CD96: variants seen among roughly 807,000 people sequenced by gnomAD.
CD96 encodes the protein CD96 molecule.
CD96 carries 70 observed loss-of-function variants against 71.3 expected under a neutral mutation model. The ratio of observed to expected loss-of-function variants is 0.98; its 90% CI spans 0.81 to 1.20. The LOEUF (loss-of-function observed/expected upper bound fraction) is 1.20. CD96 is among the 50% of genes most tolerant of loss of function. The probability of loss-of-function intolerance (pLI) is 0.00; values close to 1 mark genes in which losing one functional copy is unlikely to be tolerated. For synonymous variants in CD96, 248 were observed against 233.0 expected (o/e 1.06, Z -0.59); for missense variants, 742 against 677.5 (o/e 1.10, Z -1.06).
intron 2 of CD96, among the ~76,000 whole-genome samples, chr3:111,562,966 G>C (rs1359112065): frequency 6.6e-6 from 1 of 152,190 alleles, no homozygotes; most frequent in South Asian, 2.1e-4. Context: ...TCTTCTCACA[G>C]TTCTGGAGGT....
chr3:111,576,996 T>G (rs1279059158), intron 3 of CD96, among the ~76,000 whole-genome samples: 1 of 152,090 alleles, frequency 6.6e-6, no homozygotes, highest in Non-Finnish European at 1.5e-5. Context: ...TGCAACTGAA[T>G]CCCATCTTTC....
intron 8 of CD96, among the ~76,000 whole-genome samples, chr3:111,617,719 C>T (rs928017829): frequency 3.9e-5 from 6 of 152,168 alleles, no homozygotes; most frequent in Non-Finnish European, 2.9e-5. Flanking sequence ...CAGCATACCT[C>T]GTTCTTCTTG....
chr3:111,629,052 CA>C (rs1439679804), intron 10 of CD96, among the ~76,000 whole-genome samples: 1 of 151,958 alleles, frequency 6.6e-6, no homozygotes, highest in Non-Finnish European at 1.5e-5. Context: ...CCTGCCACTA[CA>C]AAAAAACGCT....
intron 10 of CD96, among the ~76,000 whole-genome samples, chr3:111,626,899 A>C (rs1018521574): frequency 2.0e-5 from 3 of 152,222 alleles, no homozygotes; most frequent in Admixed American, 6.5e-5. Context: ...CCTTAGACGT[A>C]ATATGTGATA....
At chr3:111,583,763 A>G (rs552912684) in intron 4 of CD96, among the ~76,000 whole-genome samples, 1 of 152,334 alleles carries the variant, frequency 6.6e-6, no homozygotes, top group South Asian at 2.1e-4. Context: ...CAGGGCACCA[A>G]GTCCCGAGGC....
exon 15 of CD96, chr3:111,665,555 A>G (rs149905286): frequency 1.1e-4 from 17 of 152,264 alleles, no homozygotes; most frequent in African/African-American, 4.1e-4. Context: ...CAAAACTTCA[A>G]TCAATTTTCC....
intron 1 of CD96, 94 bp downstream of exon 1, chr3:111,542,403 A>AATTGATCACCACTGCTGAC: frequency 1.0e-6 from 1 of 955,958 alleles, no homozygotes; most frequent in South Asian, 1.3e-5. Context: ...CTGCTGCTGA[A>AATTGATCACCACTGCTGAC]ATTGATCACC....
intron 11 of CD96, among the ~76,000 whole-genome samples, chr3:111,637,863 A>G (rs1939408995): frequency 6.6e-6 from 1 of 151,044 alleles, no homozygotes; most frequent in Non-Finnish European, 1.5e-5. Flanking sequence ...TTTTTCAACC[A>G]CTAGGAAATT....
chr3:111,570,187 G>A (rs1411253379), intron 3 of CD96, among the ~76,000 whole-genome samples: 1 of 152,174 alleles, frequency 6.6e-6, no homozygotes. Context: ...GGGGTAAGTG[G>A]GACCCTGCTG....
intron 2 of CD96, among the ~76,000 whole-genome samples, chr3:111,565,281 G>A (rs556604949): frequency 2.0e-5 from 3 of 152,256 alleles, no homozygotes; most frequent in South Asian, 4.1e-4. Flanking sequence ...TAAGAGGGAT[G>A]TGTTGTTATT....
At chr3:111,555,142 G>A (rs1206544802) in intron 2 of CD96, among the ~76,000 whole-genome samples, 5 of 143,218 alleles carry the variant, frequency 3.5e-5, no homozygotes, top group African/African-American at 1.3e-4. Flanking sequence ...AACAGGCCAC[G>A]GACAAGTACC....
At position 111,579,035 on chromosome 3, in the gene CD96, T is replaced by C. The variant is rs773876557; in HGVS notation, c.552T>C (p.Asn184=). ...EFTYAWSVED[N]GTQETLISQN... The stretch of plus-strand genomic sequence containing the variant: ...ACAATTTTTCTCACCAGGAGGATAA[T>C]GGAACTCAGGAAACACTTATCTCCC... Residue 184 remains asparagine, a synonymous_variant, in exon 4 of 14, where the codon AAT becomes AAC. Transcript: ENST00000352690. The C allele has an allele frequency of 6.3e-6, 10 of 1,588,906 alleles. No homozygotes were observed. Among genetic ancestry groups the C allele is most frequent in the Admixed American group, 3.3e-5 (2 of 59,970 alleles).
intron 14 of CD96, among the ~76,000 whole-genome samples, chr3:111,663,000 T>C (rs1940393048): frequency 6.6e-6 from 1 of 152,178 alleles, no homozygotes; most frequent in Non-Finnish European, 1.5e-5. Flanking sequence ...CTGAGTAATT[T>C]ATGGAGAAAA....
At position 111,610,634 on chromosome 3, in the gene CD96, A is replaced by G. The variant is rs377231961; in HGVS notation, c.1180+3842A>G. Among the ~76,000 whole-genome samples, 44 of 152,296 alleles carry G rather than the reference A, an allele frequency of 2.9e-4. 1 individual carries two copies. In the East Asian group the frequency reaches 3.1e-3, roughly 11 times the overall value. On this transcript the variant is annotated intron_variant, in intron 8 of 13. Transcript: ENST00000352690. ...ATCCAGGGAAGCCCAGCTCAATTCA[A>G]CCTGAACCAATTCGTGTTTGCTGAG... is the stretch of plus-strand genomic sequence containing the variant.
chr3:111,543,619 A>C (rs1472403499), intron 1 of CD96, among the ~76,000 whole-genome samples: 1 of 152,256 alleles, frequency 6.6e-6, no homozygotes, highest in East Asian at 1.9e-4. Flanking sequence ...GGTAATAGTT[A>C]ACATTAAGTA....
chr3:111,660,452 G>A (rs1002343541), intron 14 of CD96, among the ~76,000 whole-genome samples: 1 of 152,120 alleles, frequency 6.6e-6, no homozygotes, highest in Non-Finnish European at 1.5e-5. Context: ...AGAGAAATTT[G>A]CATATTCAAT....
At chr3:111,542,769 C>T (rs1365683388) in intron 1 of CD96, among the ~76,000 whole-genome samples, 2 of 152,144 alleles carry the variant, frequency 1.3e-5, no homozygotes, top group Non-Finnish European at 2.9e-5. Context: ...ATACTAAGGT[C>T]TTTGGGAGTT....
In CD96 at chr3:111,650,064, C is replaced by T. The variant is rs1940009887; in HGVS notation, c.*258C>T. ...GGTTTTCTTGCTTATGTAAGAAGTA[C>T]ATATTAGTCTGCCATCTTTAAAAAA... On this transcript the variant is annotated 3_prime_UTR_variant, in exon 14 of 14. Coordinates refer to ENST00000352690, the MANE Select transcript of CD96 (RefSeq NM_005816.5). The T allele has an allele frequency of 2.1e-6, 1 of 473,112 alleles. No homozygotes were observed. Among genetic ancestry groups the T allele is most frequent in the Non-Finnish European group, 3.9e-6 (1 of 256,912 alleles). The allele number at this position is 473,112 out of a possible 1,614,324, so 29.3% of individuals were successfully genotyped here. A position where few individuals can be genotyped will look rare whatever the true frequency, so the allele number is the denominator to read the frequency against.
intron 8 of CD96, among the ~76,000 whole-genome samples, chr3:111,619,177 T>C (rs1402240742): frequency 1.3e-5 from 2 of 152,190 alleles, no homozygotes; most frequent in Non-Finnish European, 2.9e-5. Context: ...TTTTAGAACA[T>C]GTTTCTGTCT....
Sources: allele counts gnomAD v4.1 joint callset (sites outside exome capture counted in the v4.1 genomes callset), GRCh38; gene constraint gnomAD v4.1.1; transcripts MANE v1.5; gene names NCBI Gene and HGNC (gene_info 2026-07-23, HGNC 2026-07-21).